PDE10A: variants seen among roughly 807,000 people sequenced by gnomAD.
PDE10A encodes cAMP and cAMP-inhibited cGMP 3',5'-cyclic phosphodiesterase 10A.
In PDE10A, 39 loss-of-function variants were observed where a neutral mutation model predicts 97.7. The observed-to-expected ratio is 0.40, with a 90% CI of 0.31 to 0.52. The LOEUF (loss-of-function observed/expected upper bound fraction) is 0.52, where lower values mean the gene tolerates loss of function less well. Ranked by LOEUF, PDE10A falls within the 20% of genes least tolerant of loss-of-function variation. The pLI is 0.56. For synonymous variants in PDE10A, 371 were observed against 376.8 expected, an observed-to-expected ratio of 0.98 and a Z score of 0.18; for missense variants, 731 against 1,047.8, an observed-to-expected ratio of 0.70 and a Z score of 4.17.
intron 2 of PDE10A, among the ~76,000 whole-genome samples, chr6:165,533,423 A>G (rs1014201582): frequency 6.6e-6 from 1 of 152,144 alleles, no homozygotes; most frequent in Non-Finnish European, 1.5e-5. Context: ...TGTACTGAAT[A>G]CTGTAGGTAG....
At chr6:165,605,963 T>G (rs1022945143) in intron 1 of PDE10A, among the ~76,000 whole-genome samples, 1 of 152,002 alleles carries the variant, frequency 6.6e-6, no homozygotes, top group Non-Finnish European at 1.5e-5. Flanking sequence ...CCCTATAATA[T>G]CCTTATTTTC....
intron 1 of PDE10A, among the ~76,000 whole-genome samples, chr6:165,985,323 A>G (rs1785158328): frequency 6.6e-6 from 1 of 152,252 alleles, no homozygotes; most frequent in South Asian, 2.1e-4. Context: ...CTTTAAGGGA[A>G]ATAACAGGTG....
chr6:165,472,470 A>T (rs910821407), intron 3 of PDE10A, among the ~76,000 whole-genome samples: 1 of 152,032 alleles, frequency 6.6e-6, no homozygotes, highest in African/African-American at 2.4e-5. Context: ...TTGCTCCATT[A>T]ATTTCTTCTC....
intron 1 of PDE10A, among the ~76,000 whole-genome samples, chr6:165,674,299 C>G (rs1453817400): frequency 2.6e-5 from 4 of 151,544 alleles, no homozygotes; most frequent in Non-Finnish European, 4.4e-5. Flanking sequence ...TCCAGTGGTC[C>G]CTGGCGTGCA....
intron 1 of PDE10A, among the ~76,000 whole-genome samples, chr6:165,961,981 C>G (rs181815027): frequency 6.6e-6 from 1 of 152,146 alleles, no homozygotes; most frequent in Non-Finnish European, 1.5e-5. Context: ...AGGCACTTTG[C>G]GTGTGTAATT....
intron 1 of PDE10A, among the ~76,000 whole-genome samples, chr6:165,695,471 T>C (rs995202330): frequency 6.6e-6 from 1 of 152,150 alleles, no homozygotes; most frequent in African/African-American, 2.4e-5. Flanking sequence ...GCTGGAGGAC[T>C]TTCCTCCTTG....
At chr6:165,450,192 A>T in intron 4 of PDE10A, 50 bp downstream of exon 4, 1 of 1,293,932 alleles carries the variant, frequency 7.7e-7, no homozygotes, top group Non-Finnish European at 1.0e-6. Flanking sequence ...TGCTTTTTGT[A>T]AAAGAATCTT....
intron 1 of PDE10A, among the ~76,000 whole-genome samples, chr6:165,650,209 A>G (rs755772709): frequency 3.9e-5 from 6 of 152,214 alleles, no homozygotes; most frequent in Non-Finnish European, 5.9e-5. Context: ...AAGGCAATTC[A>G]CCGTTAATTC....
chr6:165,586,459 C>G (rs565016532), intron 1 of PDE10A, among the ~76,000 whole-genome samples: 1 of 152,220 alleles, frequency 6.6e-6, no homozygotes, highest in Admixed American at 6.5e-5. Context: ...ATTTCCTTTC[C>G]CATTTTGCCA....
intron 1 of PDE10A, among the ~76,000 whole-genome samples, chr6:165,544,567 G>C (rs1783636452): frequency 8.4e-6 from 1 of 119,110 alleles, no homozygotes; most frequent in Non-Finnish European, 1.6e-5. Flanking sequence ...TTTAGGGATG[G>C]TTAGGTTAAA....
rs2128168889 is a variant in PDE10A at position 165,327,515 on chromosome 6, C to T, written c.*5510G>A. ...GCTGTTTGAATTATGAATTTATTTA[C>T]AACTTGCCTAGATTATAATAAATGA... On this transcript the variant is annotated 3_prime_UTR_variant, in exon 22 of 22. Coordinates refer to ENST00000539869, the MANE Select transcript of PDE10A (RefSeq NM_001385079.1). The T allele has an allele frequency of 6.6e-6, 1 of 152,218 alleles. No individual in the cohort carries two copies. 9.4% of individuals were successfully genotyped at this position (152,218 alleles called of 1,614,324 possible). A position where few individuals can be genotyped will look rare whatever the true frequency, so the allele number is the denominator to read the frequency against.
intron 1 of PDE10A, among the ~76,000 whole-genome samples, chr6:165,712,621 A>C (rs1398747674): frequency 1.4e-5 from 2 of 145,188 alleles, no homozygotes; most frequent in Non-Finnish European, 1.5e-5. Context: ...GGAACGTTTC[A>C]ACTTTCTTTC....
chr6:165,592,036 C>A (rs188011053), intron 1 of PDE10A, among the ~76,000 whole-genome samples: 2 of 152,178 alleles, frequency 1.3e-5, no homozygotes, highest in Non-Finnish European at 2.9e-5. Context: ...GGAGGCATCA[C>A]GTTCCCTGAC....
intron 1 of PDE10A, among the ~76,000 whole-genome samples, chr6:165,883,241 A>G (rs187897953): frequency 6.6e-6 from 1 of 152,004 alleles, no homozygotes; most frequent in Admixed American, 6.6e-5. Context: ...GTCAAAGAAA[A>G]TAAAAGAAGA....
intron 18 of PDE10A, among the ~76,000 whole-genome samples, chr6:165,366,239 T>C (rs1022400476): frequency 6.6e-6 from 1 of 152,204 alleles, no homozygotes; most frequent in Non-Finnish European, 1.5e-5. Context: ...TTCTTCACAA[T>C]AAGCTAATAT....
intron 19 of PDE10A, among the ~76,000 whole-genome samples, chr6:165,340,386 C>T (rs1430340958): frequency 6.6e-6 from 1 of 152,154 alleles, no homozygotes; most frequent in Non-Finnish European, 1.5e-5. Flanking sequence ...TACAAACAAA[C>T]TACTATCACC....
upstream of PDE10A, among the ~76,000 whole-genome samples, chr6:165,664,207 C>G (rs1562671801): frequency 6.6e-6 from 1 of 152,152 alleles, no homozygotes; most frequent in East Asian, 1.9e-4. Context: ...CTGGGTTGAC[C>G]CAGGGCCCTG....
chr6:165,403,184 C>A (rs753788851), intron 13 of PDE10A, among the ~76,000 whole-genome samples: 1 of 152,192 alleles, frequency 6.6e-6, no homozygotes, highest in Admixed American at 6.5e-5. Flanking sequence ...GCTCTCAGCG[C>A]TATCAGCAAC....
intron 1 of PDE10A, among the ~76,000 whole-genome samples, chr6:165,954,968 T>G (rs1024782538): frequency 9.2e-5 from 14 of 152,134 alleles, no homozygotes; most frequent in Non-Finnish European, 1.5e-4. Flanking sequence ...AAACTCAACG[T>G]AGCTCCAGCC....
Sources: gnomAD v4.1 joint callset for allele counts (sites outside exome capture counted in the v4.1 genomes callset) on GRCh38, gnomAD v4.1.1 for gene constraint, MANE v1.5 for transcripts, NCBI Gene and HGNC (gene_info 2026-07-23, HGNC 2026-07-21) for gene names.